PAPPA2: variants seen among roughly 807,000 people sequenced by gnomAD.
PAPPA2 encodes the protein pappalysin 2.
Under a neutral mutation model 176.4 loss-of-function variants are expected in PAPPA2, and 86 were observed. The observed-to-expected ratio is 0.49, with a 90% CI of 0.41 to 0.58. The LOEUF (loss-of-function observed/expected upper bound fraction) is 0.58, where lower values mean the gene tolerates loss of function less well. Among genes scored for constraint, PAPPA2 ranks in the 20% least tolerant of loss-of-function variants. The probability of loss-of-function intolerance (pLI) is 0.00; values close to 1 mark genes in which losing one functional copy is unlikely to be tolerated. For missense variants in PAPPA2, 2,073 were observed against 2,256.9 expected, an observed-to-expected ratio of 0.92 and a Z score of 1.65; for synonymous variants, 809 against 852.2, an observed-to-expected ratio of 0.95 and a Z score of 0.88.
chr1:176,838,042 A>G (rs1667342740), intron 21 of PAPPA2, among the ~76,000 whole-genome samples: 1 of 152,128 alleles, frequency 6.6e-6, no homozygotes. Context: ...TCTCTTTTCT[A>G]TAAACTTCGT....
intron 3 of PAPPA2, among the ~76,000 whole-genome samples, chr1:176,666,753 A>G (rs1333066448): frequency 1.3e-5 from 2 of 152,060 alleles, no homozygotes; most frequent in African/African-American, 2.4e-5. Context: ...GAGAGGAGCA[A>G]AAGAAGAATA....
In PAPPA2 at chr1:176,818,350, G is replaced by C. The variant is rs138373905; in HGVS notation, c.5202+18218G>C. Among the ~76,000 whole-genome samples, 26 of 152,256 alleles carry C rather than the reference G, an allele frequency of 1.7e-4. 1 individual carries two copies. The East Asian group carries it at 5.0e-3, about 29-fold the overall frequency. Reference sequence around the variant, plus strand: ...TGAGAAGGGAGTAACAATAACTAAAGACAAAGTTTATAGAGTAGCAGATGG... The same window carrying C: ...TGAGAAGGGAGTAACAATAACTAAACACAAAGTTTATAGAGTAGCAGATGG... On this transcript the variant is annotated intron_variant, in intron 21 of 22. Transcript: ENST00000367662.
chr1:176,759,025 C>T (rs760120686), intron 14 of PAPPA2, among the ~76,000 whole-genome samples: 21 of 152,216 alleles, frequency 1.4e-4, no homozygotes, highest in Admixed American at 4.6e-4. Flanking sequence ...AAGACCAGAA[C>T]CCAAGTCATG....
At chr1:176,725,232 A>G (rs1053139152) in intron 12 of PAPPA2, among the ~76,000 whole-genome samples, 2 of 152,236 alleles carry the variant, frequency 1.3e-5, no homozygotes, top group African/African-American at 4.8e-5. Flanking sequence ...TTTTTTAACC[A>G]TTCAAAAATG....
At chr1:176,563,219 T>C (rs1651771480) in intron 2 of PAPPA2, among the ~76,000 whole-genome samples, 1 of 152,180 alleles carries the variant, frequency 6.6e-6, no homozygotes, top group African/African-American at 2.4e-5. Context: ...AACTGGAGTC[T>C]CTTTGTGGGA....
intron 3 of PAPPA2, among the ~76,000 whole-genome samples, chr1:176,623,281 G>A (rs969625239): frequency 1.3e-5 from 2 of 152,182 alleles, no homozygotes; most frequent in African/African-American, 4.8e-5. Context: ...TGCTCTGAAC[G>A]AAGTCTTTTT....
At chr1:176,812,312 A>G (rs753171896) in intron 21 of PAPPA2, among the ~76,000 whole-genome samples, 1 of 151,842 alleles carries the variant, frequency 6.6e-6, no homozygotes, top group Non-Finnish European at 1.5e-5. Context: ...CAGAATTGCC[A>G]TCACAGAAAT....
At chr1:176,580,434 A>G (rs1652897470) in intron 2 of PAPPA2, among the ~76,000 whole-genome samples, 3 of 152,166 alleles carry the variant, frequency 2.0e-5, no homozygotes, top group African/African-American at 7.2e-5. Context: ...GGTTGATTCT[A>G]TATATTGGCT....
At chr1:176,616,747 T>G in intron 3 of PAPPA2, 1 of 1,265,430 alleles carries the variant, frequency 7.9e-7, no homozygotes, top group South Asian at 1.2e-5. Context: ...CTCATGTTCT[T>G]GTATGTGACT....
chr1:176,497,808 TA>T (rs1182193140), intron 1 of PAPPA2, among the ~76,000 whole-genome samples: 3 of 152,290 alleles, frequency 2.0e-5, no homozygotes, highest in Non-Finnish European at 4.4e-5. Context: ...ATCATGCATG[TA>T]CTATCATTTT....
At chr1:176,711,795 C>T (rs367917274) in intron 11 of PAPPA2, 40 bp from the exon 12 acceptor site, 148 of 1,573,438 alleles carry the variant, frequency 9.4e-5, no homozygotes, top group Non-Finnish European at 1.2e-4. Context: ...TATATCTTCA[C>T]ACTCCACACT....
intron 3 of PAPPA2, among the ~76,000 whole-genome samples, chr1:176,643,989 T>C (rs532483014): frequency 3.1e-4 from 47 of 151,686 alleles, no homozygotes; most frequent in African/African-American, 9.4e-4. Flanking sequence ...CCTCTGTGGG[T>C]GTGTATGAAA....
At chr1:176,666,606 T>TGAGAGAGA (rs1236696077) in intron 3 of PAPPA2, among the ~76,000 whole-genome samples, 3 of 120,046 alleles carry the variant, frequency 2.5e-5, no homozygotes, top group African/African-American at 1.0e-4. Context: ...TGTGTGTGTG[T>TGAGAGAGA]GTGAGAGAGA....
chr1:176,790,458 C>T (rs1557873326), intron 18 of PAPPA2, among the ~76,000 whole-genome samples: 1 of 152,082 alleles, frequency 6.6e-6, no homozygotes, highest in Non-Finnish European at 1.5e-5. Context: ...TGACTAAAAG[C>T]AATTTTATTT....
chr1:176,656,808 G>A (rs145546527), intron 3 of PAPPA2, among the ~76,000 whole-genome samples: 61 of 150,810 alleles, frequency 4.0e-4, no homozygotes, highest in Non-Finnish European at 8.0e-4. Flanking sequence ...CACACCAGAA[G>A]TCAGTTATTT....
intron 21 of PAPPA2, among the ~76,000 whole-genome samples, chr1:176,823,625 T>C: frequency 6.6e-6 from 1 of 152,218 alleles, no homozygotes; most frequent in East Asian, 1.9e-4. Context: ...TATTACTCTG[T>C]CCTTTCAAAA....
intron 12 of PAPPA2, among the ~76,000 whole-genome samples, chr1:176,721,410 A>G (rs568687342): frequency 9.2e-5 from 14 of 152,094 alleles, no homozygotes; most frequent in Non-Finnish European, 1.8e-4. Context: ...TGCTTCCACT[A>G]TTTTTGTTTA....
intron 3 of PAPPA2, among the ~76,000 whole-genome samples, chr1:176,632,229 ATGTGTG>A (rs56939950): frequency 5.2e-4 from 76 of 145,530 alleles, no homozygotes; most frequent in South Asian, 2.2e-3. Context: ...ATTAGTAGTG[ATGTGTG>A]TGTGTGTGTG....
chr1:176,557,217 C>T lies in PAPPA2; in HGVS notation c.895C>T (p.Gln299Ter), dbSNP rs1403614349. 3.1e-6 allele frequency: 5 copies of T among 1,600,044 alleles called. No homozygotes were observed. The highest frequency in any genetic ancestry group is 1.1e-5 in the South Asian group (1 of 89,272). ...AGCCTGGGTTAAACCGGAGGGAGGACAGAACAACCCAGCCATCATCGCAGG... is the reference window on the plus strand; with the variant it reads ...AGCCTGGGTTAAACCGGAGGGAGGATAGAACAACCCAGCCATCATCGCAGG... ...VEAWVKPEGG[Q>*]NNPAIIAGVF... Residue 299 changes from glutamine to a stop codon, truncating the protein, a stop_gained, in exon 2 of 23, where the codon CAG (glutamine) becomes TAG (stop). Transcript: ENST00000367662. LOFTEE classifies it high-confidence loss of function.
Sources: gnomAD v4.1 joint callset for allele counts (sites outside exome capture counted in the v4.1 genomes callset) on GRCh38, gnomAD v4.1.1 for gene constraint, MANE v1.5 for transcripts, NCBI Gene and HGNC (gene_info 2026-07-23, HGNC 2026-07-21) for gene names.